Variants in LRRC8D observed in about 807,000 individuals in gnomAD.
LRRC8D encodes leucine rich repeat containing 8 VRAC subunit D, also known as volume-regulated anion channel subunit LRRC8D.
Under a neutral mutation model 55.8 loss-of-function variants are expected in LRRC8D, and 20 were observed. The observed-to-expected ratio is 0.36, with a 90% CI of 0.25 to 0.52. The LOEUF is 0.52. Among genes scored for constraint, LRRC8D ranks in the 20% least tolerant of loss-of-function variants. The pLI is 0.93. For synonymous variants in LRRC8D, 352 were observed against 377.0 expected (o/e 0.93, Z 0.77); for missense variants, 651 against 1,030.8 (o/e 0.63, Z 5.05).
At chr1:89,921,845 A>G (rs774891960) in intron 2 of LRRC8D, among the ~76,000 whole-genome samples, 17 of 152,032 alleles carry the variant, frequency 1.1e-4, no homozygotes, top group Non-Finnish European at 2.4e-4. Context: ...CACCCGGCCA[A>G]CTTTTAAAGT....
intron 2 of LRRC8D, among the ~76,000 whole-genome samples, chr1:89,899,789 G>C (rs1329823401): frequency 6.6e-6 from 1 of 152,212 alleles, no homozygotes; most frequent in Non-Finnish European, 1.5e-5. Flanking sequence ...TGTCAGAACT[G>C]ATGGTCCTGG....
At chr1:89,845,540 G>A (rs1053311298) in intron 2 of LRRC8D, among the ~76,000 whole-genome samples, 6 of 152,140 alleles carry the variant, frequency 3.9e-5, no homozygotes, top group Non-Finnish European at 7.4e-5. Flanking sequence ...GGGTTCAAGC[G>A]ATTCTCCTGC....
chr1:89,866,537 T>G (rs1206263365), intron 2 of LRRC8D, among the ~76,000 whole-genome samples: 1 of 152,236 alleles, frequency 6.6e-6, no homozygotes, highest in Admixed American at 6.5e-5. Flanking sequence ...ATTCATAGAC[T>G]GTGTACAAAA....
intron 2 of LRRC8D, among the ~76,000 whole-genome samples, chr1:89,862,734 C>T (rs927097984): frequency 5.3e-5 from 8 of 152,192 alleles, no homozygotes; most frequent in African/African-American, 1.9e-4. Context: ...TTCCAGAGCA[C>T]ATGTTCATAA....
At chr1:89,845,730 A>G (rs1281893168) in intron 2 of LRRC8D, among the ~76,000 whole-genome samples, 1 of 152,042 alleles carries the variant, frequency 6.6e-6, no homozygotes, top group Non-Finnish European at 1.5e-5. Flanking sequence ...TCAGCCAGTC[A>G]AGAGAGATTC....
intron 1 of LRRC8D, among the ~76,000 whole-genome samples, chr1:89,826,537 C>G (rs759100668): frequency 2.6e-5 from 4 of 152,206 alleles, no homozygotes; most frequent in Non-Finnish European, 5.9e-5. Flanking sequence ...CAGGCATGAG[C>G]CACCGCGCCT....
intron 2 of LRRC8D, among the ~76,000 whole-genome samples, chr1:89,923,320 A>G (rs1025857444): frequency 6.6e-6 from 1 of 152,186 alleles, no homozygotes; most frequent in Admixed American, 6.5e-5. Context: ...CTTACTAAAT[A>G]TATGTTTTTC....
intron 1 of LRRC8D, among the ~76,000 whole-genome samples, chr1:89,833,372 GCTGTGACAACCCGCAT>G (rs765147927): frequency 1.3e-5 from 2 of 152,214 alleles, no homozygotes; most frequent in Admixed American, 1.3e-4. Context: ...GAGCCTTGTT[GCTGTGACAACCCGCAT>G]CCTTGGCACC....
chr1:89,927,203 G>A (rs549476384), intron 2 of LRRC8D, among the ~76,000 whole-genome samples: 110 of 152,396 alleles, frequency 7.2e-4, no homozygotes, highest in African/African-American at 2.5e-3. Context: ...CCAGCCAGCC[G>A]GGATGTGCCT....
In LRRC8D at chr1:89,935,393, A is replaced by G. The variant is rs781139603; in HGVS notation, c.2325A>G (p.Ile775Met). 5.6e-6 allele frequency: 9 copies of G among 1,614,262 alleles called. No individual in the cohort carries two copies. In the East Asian group the frequency reaches 1.8e-4, roughly 32 times the overall value. The change falls in exon 3 of 3, where the codon ATA becomes ATG. Residue 775 changes from isoleucine to methionine, a missense_variant. Ile to Met is a conservative substitution (Grantham distance 10). This residue lies in a region of LRRC8D where 338 missense variants were observed against 479.4 expected (regional missense o/e 0.71). Coordinates refer to ENST00000337338, the MANE Select transcript of LRRC8D (RefSeq NM_001134479.2). The stretch of plus-strand genomic sequence containing the variant: ...TGCCAAAACAATTGTTTAAATGCAT[A>G]AAGTTGAGGACTTTGAATCTGGGAC... Reference protein sequence around the residue: ...DILPKQLFKCIKLRTLNLGQN... With the variant: ...DILPKQLFKCMKLRTLNLGQN...
intron 2 of LRRC8D, among the ~76,000 whole-genome samples, chr1:89,927,102 C>T (rs991259287): frequency 6.6e-6 from 1 of 152,176 alleles, no homozygotes; most frequent in South Asian, 2.1e-4. Context: ...CTTTGTACTC[C>T]AGAGAAAGCA....
intron 2 of LRRC8D, among the ~76,000 whole-genome samples, chr1:89,845,422 G>A (rs1437929597): frequency 1.3e-5 from 2 of 152,154 alleles, no homozygotes; most frequent in Non-Finnish European, 2.9e-5. Flanking sequence ...CATGAAAAGT[G>A]AGAAAGTAAT....
chr1:89,892,894 A>G (rs1662615564), intron 2 of LRRC8D, among the ~76,000 whole-genome samples: 1 of 152,208 alleles, frequency 6.6e-6, no homozygotes, highest in Non-Finnish European at 1.5e-5. Context: ...AATCAAGTAA[A>G]ATTCAATCAG....
In LRRC8D at chr1:89,852,780, G is replaced by A. The variant is rs1229710651; in HGVS notation, c.-3+8998G>A. On this transcript the variant is annotated intron_variant, in intron 2 of 2. Coordinates refer to ENST00000337338, the MANE Select transcript of LRRC8D (RefSeq NM_001134479.2). Reference sequence around the variant, plus strand: ...CGAGATGGAGAAAGGACAGACTGAGGAAACAGCCCAGGTTCAGAGCCCCAA... The same window carrying A: ...CGAGATGGAGAAAGGACAGACTGAGAAAACAGCCCAGGTTCAGAGCCCCAA... Among the ~76,000 whole-genome samples, 3 of 152,176 alleles carry A rather than the reference G, an allele frequency of 2.0e-5. No homozygotes were observed. In the East Asian group the frequency reaches 5.8e-4, roughly 29 times the overall value.
chr1:89,879,238 C>T (rs867880160), intron 2 of LRRC8D, among the ~76,000 whole-genome samples: 2 of 152,206 alleles, frequency 1.3e-5, no homozygotes, highest in African/African-American at 2.4e-5. Context: ...AATGTCTGTT[C>T]TTCTCCTTTT....
intron 2 of LRRC8D, among the ~76,000 whole-genome samples, chr1:89,917,057 G>A (rs879270778): frequency 1.3e-5 from 2 of 152,140 alleles, no homozygotes; most frequent in Non-Finnish European, 2.9e-5. Flanking sequence ...AACTACTTAA[G>A]CCACATTCTT....
Position 89,911,967 on chromosome 1 carries a change from T to G in LRRC8D, c.-2-21100T>G, listed in dbSNP as rs183949800. Among the ~76,000 whole-genome samples the G allele has an allele frequency of 6.6e-6, 1 of 152,302 alleles. No individual in the cohort carries two copies. The highest frequency in any genetic ancestry group is 1.9e-4 in the East Asian group (1 of 5,186). On this transcript the variant is annotated intron_variant, in intron 2 of 2. Transcript: ENST00000337338. The surrounding 1 kb of genome is among the most constrained non-coding windows in gnomAD (Gnocchi z 4.0). ...CCCTAAATGCTAGTGATCCCCTGGATTCTGCCATTGGCCTTTTTTCTCTGT... is the reference window on the plus strand; with the variant it reads ...CCCTAAATGCTAGTGATCCCCTGGAGTCTGCCATTGGCCTTTTTTCTCTGT...
intron 1 of LRRC8D, among the ~76,000 whole-genome samples, chr1:89,834,823 T>C (rs6668211): frequency 0.011 from 1,644 of 152,108 alleles, 29 homozygotes; most frequent in African/African-American, 0.037. Flanking sequence ...CAGCAAAGCA[T>C]GGAGTTGTAG....
In LRRC8D at chr1:89,911,879, A is replaced by T. The variant is rs902121651; in HGVS notation, c.-2-21188A>T. Among the ~76,000 whole-genome samples the T allele has an allele frequency of 1.3e-4, 20 of 152,092 alleles. 1 individual carries two copies. The highest frequency in any genetic ancestry group is 1.3e-3 in the Admixed American group (20 of 15,272). ...GCTTCTAGGCCAACATTCTCTTCAT[A>T]GTTCTTGTCCTCTGACCCACCCTTC... On this transcript the variant is annotated intron_variant, in intron 2 of 2. Transcript: ENST00000337338. This position sits in a 1 kb window ranked among gnomAD's most constrained non-coding sequence, Gnocchi z 4.0.
Sources: allele counts gnomAD v4.1 joint callset (sites outside exome capture counted in the v4.1 genomes callset), GRCh38; gene constraint gnomAD v4.1.1; regional missense constraint gnomAD v4.1.1; non-coding constraint Gnocchi (gnomAD v3.1); transcripts MANE v1.5; gene names NCBI Gene and HGNC (gene_info 2026-07-23, HGNC 2026-07-21).